FNIP1: variants seen among roughly 807,000 people sequenced by gnomAD.
The protein encoded by FNIP1 is folliculin interacting protein 1.
Under a neutral mutation model 124.5 loss-of-function variants are expected in FNIP1, and 40 were observed. The observed-to-expected ratio is 0.32, with a 90% CI of 0.25 to 0.42. The LOEUF is 0.42. Ranked by LOEUF, FNIP1 falls within the 10% of genes least tolerant of loss-of-function variation. FNIP1 has a pLI of 1.00. For missense variants in FNIP1, 1,176 were observed against 1,403.7 expected, an observed-to-expected ratio of 0.84 and a Z score of 2.59; for synonymous variants, 472 against 470.6, an observed-to-expected ratio of 1.00 and a Z score of -0.04.
At chr5:131,656,615 G>A (rs1767200320) in intron 15 of FNIP1, among the ~76,000 whole-genome samples, 1 of 152,112 alleles carries the variant, frequency 6.6e-6, no homozygotes, top group Non-Finnish European at 1.5e-5. Context: ...TTTAGAAAGA[G>A]TTTTAGCTTA....
At chr5:131,746,818 T>C (rs1412904166) in intron 1 of FNIP1, among the ~76,000 whole-genome samples, 1 of 152,216 alleles carries the variant, frequency 6.6e-6, no homozygotes, top group Admixed American at 6.5e-5. Flanking sequence ...AGTCAAATGG[T>C]AGCTCTCTTT....
chr5:131,715,142 T>C (rs1315781314), intron 6 of FNIP1, among the ~76,000 whole-genome samples: 1 of 152,228 alleles, frequency 6.6e-6, no homozygotes, highest in Non-Finnish European at 1.5e-5. Flanking sequence ...ATCTAACCTC[T>C]ATAGTATAAT....
Position 131,642,792 on chromosome 5 carries a change from C to T in FNIP1, c.*1893G>A, listed in dbSNP as rs562032851. 2.1e-5 allele frequency: 3 copies of T among 142,956 alleles called. No individual in the cohort carries two copies. Among genetic ancestry groups the T allele is most frequent in the Non-Finnish European group, 3.0e-5 (2 of 66,942 alleles). The allele number at this position is 142,956 out of a possible 1,614,324, so 8.9% of individuals were successfully genotyped here. On this transcript the variant is annotated 3_prime_UTR_variant, in exon 18 of 18. Transcript: ENST00000510461. ...GGCTGAGGCAGGAGAATCACTTGAA[C>T]TGGGAGGCGGAGGTTGCAGTGAGCT... is the stretch of plus-strand genomic sequence containing the variant.
intron 11 of FNIP1, among the ~76,000 whole-genome samples, chr5:131,688,028 A>G (rs147976405): frequency 5.5e-4 from 83 of 152,288 alleles, no homozygotes; most frequent in African/African-American, 1.8e-3. Flanking sequence ...TGGCCTCTGG[A>G]AAGAAAAATA....
At chr5:131,775,676 C>T (rs1771778268) in intron 1 of FNIP1, among the ~76,000 whole-genome samples, 1 of 151,676 alleles carries the variant, frequency 6.6e-6, no homozygotes, top group African/African-American at 2.4e-5. Flanking sequence ...TGTAGGCGTC[C>T]GCCACCACGT....
intron 16 of FNIP1, among the ~76,000 whole-genome samples, chr5:131,649,717 C>T (rs1483811061): frequency 6.6e-6 from 1 of 152,180 alleles, no homozygotes; most frequent in Non-Finnish European, 1.5e-5. Flanking sequence ...CAAGAAGTCA[C>T]TGTCATATCC....
At chr5:131,645,002 G>T (rs1467940547) in intron 17 of FNIP1, among the ~76,000 whole-genome samples, 2 of 152,152 alleles carry the variant, frequency 1.3e-5, no homozygotes, top group Non-Finnish European at 2.9e-5. Context: ...CTGGGGCATG[G>T]CACAATGACT....
chr5:131,755,943 A>C (rs1373070076), intron 1 of FNIP1, among the ~76,000 whole-genome samples: 2 of 152,040 alleles, frequency 1.3e-5, no homozygotes, highest in Admixed American at 6.6e-5. Flanking sequence ...TGGGAGGCAA[A>C]GGTTGCAGTG....
At chr5:131,733,270 G>T (rs1770163395) in intron 2 of FNIP1, among the ~76,000 whole-genome samples, 1 of 152,184 alleles carries the variant, frequency 6.6e-6, no homozygotes, top group African/African-American at 2.4e-5. Context: ...CATGTCATCT[G>T]CAAACAGGGA....
chr5:131,657,481 C>T (rs561643174), intron 15 of FNIP1, among the ~76,000 whole-genome samples: 1 of 151,942 alleles, frequency 6.6e-6, no homozygotes, highest in East Asian at 1.9e-4. Context: ...GATCAGGGTG[C>T]CATAAGGACC....
chr5:131,719,747 C>T (rs1039820092), intron 3 of FNIP1, among the ~76,000 whole-genome samples: 1 of 152,156 alleles, frequency 6.6e-6, no homozygotes, highest in African/African-American at 2.4e-5. Context: ...AATGCAAAAG[C>T]AGGCATTCTT....
chr5:131,724,186 T>C (rs1016967696), intron 3 of FNIP1, among the ~76,000 whole-genome samples: 3 of 152,232 alleles, frequency 2.0e-5, no homozygotes, highest in African/African-American at 7.2e-5. Flanking sequence ...CCATGTGTCT[T>C]TATACTAGAA....
chr5:131,736,915 C>T (rs940609349), intron 2 of FNIP1, among the ~76,000 whole-genome samples: 1 of 152,094 alleles, frequency 6.6e-6, no homozygotes, highest in Admixed American at 6.5e-5. Flanking sequence ...TACTCTTATT[C>T]GGTTCAGAAA....
Position 131,693,337 on chromosome 5 carries a change from T to C in FNIP1, c.1202+5580A>G, listed in dbSNP as rs1181051031. On this transcript the variant is annotated intron_variant, in intron 11 of 17. Transcript: ENST00000510461. ...ATATACACATATATATATATACATA[T>C]ATATATATATATATATATATATATA... Among the ~76,000 whole-genome samples the C allele has an allele frequency of 1.0e-3, 119 of 118,290 alleles. 1 individual carries two copies. Among genetic ancestry groups the C allele is most frequent in the African/African-American group, 3.8e-3 (112 of 29,758 alleles). The allele number at this position is 118,290 out of a possible 152,430, so 77.6% of individuals were successfully genotyped here.
In FNIP1 at chr5:131,670,626, T is replaced by C; in HGVS notation, c.2945A>G (p.Lys982Arg). The C allele has an allele frequency of 6.3e-7, 1 of 1,588,632 alleles. No homozygotes were observed. Among genetic ancestry groups the C allele is most frequent in the Non-Finnish European group, 8.5e-7 (1 of 1,171,928 alleles). ...EEDEIPFPGS[K>R]LIEVSAVQPN... ...CTGAACAGCACTCACTTCGATTAAC[T>C]TTGACCTGGAAGAAAAATGCCCCCA... Residue 982 changes from lysine to arginine, a missense_variant, in exon 15 of 18, where the codon AAG (lysine) becomes AGG (arginine). Physicochemically the swap from Lys to Arg is conservative, Grantham distance 26. This residue lies in a region of FNIP1 where 1,109 missense variants were observed against 1,288.5 expected (regional missense o/e 0.86). Transcript: ENST00000510461.
At chr5:131,754,071 C>T (rs1270466597) in intron 1 of FNIP1, among the ~76,000 whole-genome samples, 1 of 152,154 alleles carries the variant, frequency 6.6e-6, no homozygotes, top group Non-Finnish European at 1.5e-5. Flanking sequence ...CTTGGTCTCC[C>T]AAAGTGGTGG....
intron 3 of FNIP1, among the ~76,000 whole-genome samples, chr5:131,723,129 G>A (rs1226861010): frequency 6.6e-6 from 1 of 152,082 alleles, no homozygotes; most frequent in African/African-American, 2.4e-5. Flanking sequence ...CAACATTTCA[G>A]AAAAGGAGCA....
intron 2 of FNIP1, among the ~76,000 whole-genome samples, 168 bp downstream of exon 2, chr5:131,744,396 C>T (rs1002095564): frequency 1.3e-5 from 2 of 152,120 alleles, no homozygotes; most frequent in Non-Finnish European, 2.9e-5. Context: ...TCAAACCACT[C>T]CTCAGCTATT....
chr5:131,692,880 C>T (rs908916584), intron 11 of FNIP1, among the ~76,000 whole-genome samples: 1 of 151,866 alleles, frequency 6.6e-6, no homozygotes, highest in African/African-American at 2.4e-5. Flanking sequence ...TGGAGGCACA[C>T]ACCTGTAGTC....
Sources: gnomAD v4.1 joint callset for allele counts (sites outside exome capture counted in the v4.1 genomes callset) on GRCh38, gnomAD v4.1.1 for gene constraint, gnomAD v4.1.1 regional missense constraint, MANE v1.5 for transcripts, NCBI Gene and HGNC (gene_info 2026-07-23, HGNC 2026-07-21) for gene names.